NRG1: variants seen among roughly 807,000 people sequenced by gnomAD.
NRG1 encodes the protein pro-neuregulin-1, membrane-bound isoform.
A neutral mutation model predicts 63.8 loss-of-function variants in NRG1; 18 were observed. That is an observed-to-expected ratio of 0.28 (90% CI 0.19 to 0.42). NRG1 has a LOEUF of 0.42. NRG1 is among the 10% of genes least tolerant of loss of function. The pLI is 1.00. For synonymous variants in NRG1, 302 were observed against 301.3 expected (o/e 1.00, Z -0.02); for missense variants, 762 against 814.7 (o/e 0.94, Z 0.79).
At chr8:31,958,092 T>TAGAC (rs1250423473) in intron 1 of NRG1, among the ~76,000 whole-genome samples, 14 of 146,360 alleles carry the variant, frequency 9.6e-5, no homozygotes, top group Non-Finnish European at 1.0e-4. Context: ...GACAGACAGA[T>TAGAC]AGATAGGCAG....
chr8:32,093,422 G>A (rs1287816213), intron 1 of NRG1, among the ~76,000 whole-genome samples: 2 of 152,228 alleles, frequency 1.3e-5, no homozygotes, highest in African/African-American at 4.8e-5. Context: ...AAAAACTAGT[G>A]CTAAAATTAG....
At chr8:31,682,404 C>A (rs1281949059) in intron 1 of NRG1, among the ~76,000 whole-genome samples, 1 of 151,984 alleles carries the variant, frequency 6.6e-6, no homozygotes, top group Non-Finnish European at 1.5e-5. Context: ...AGACAACCAA[C>A]AAATAAAGGA....
intron 1 of NRG1, among the ~76,000 whole-genome samples, chr8:32,082,739 C>T (rs2131172780): frequency 6.6e-6 from 1 of 152,200 alleles, no homozygotes. Context: ...GATTTAAGAA[C>T]AGATAGTAGA....
At chr8:31,788,606 T>C (rs1481219900) in intron 1 of NRG1, among the ~76,000 whole-genome samples, 3 of 152,160 alleles carry the variant, frequency 2.0e-5, no homozygotes, top group Non-Finnish European at 2.9e-5. Flanking sequence ...TTCATCTTGG[T>C]GTAAGGACAC....
At chr8:32,744,112 T>C (rs75421319) in intron 7 of NRG1, among the ~76,000 whole-genome samples, 4,891 of 152,178 alleles carry the variant, frequency 0.032, 308 homozygotes, top group East Asian at 0.28. Flanking sequence ...GTGATGTAAG[T>C]TGGTTATTTA....
At position 32,435,228 on chromosome 8, in the gene NRG1, T is replaced by C. The variant is rs180935234; in HGVS notation, c.38-160600T>C. 3.9e-3 allele frequency among the ~76,000 whole-genome samples: 594 copies of C among 152,284 alleles called. 2 individuals carry two copies. The highest frequency in any genetic ancestry group is 6.9e-3 in the Non-Finnish European group (467 of 68,010). On this transcript the variant is annotated intron_variant, in intron 1 of 10. Coordinates refer to the NRG1 transcript ENST00000519301. ...GCTCTGGATCTGGAAGCTATCATCA[T>C]GGCAACCCCAGAGTCCCATTGGTTT...
chr8:32,734,388 T>A (rs971303538), intron 6 of NRG1, among the ~76,000 whole-genome samples: 5 of 152,196 alleles, frequency 3.3e-5, no homozygotes, highest in Non-Finnish European at 7.3e-5. Flanking sequence ...TAAACAGGAC[T>A]GGGTTAGAAC....
At chr8:31,928,751 T>G (rs997295731) in intron 1 of NRG1, among the ~76,000 whole-genome samples, 1 of 152,168 alleles carries the variant, frequency 6.6e-6, no homozygotes, top group African/African-American at 2.4e-5. Context: ...AGGCCATTAT[T>G]CTAAATAAAG....
chr8:31,828,515 T>C (rs1409780641), intron 1 of NRG1, among the ~76,000 whole-genome samples: 1 of 152,142 alleles, frequency 6.6e-6, no homozygotes, highest in African/African-American at 2.4e-5. Context: ...CCCCCGAGGC[T>C]CAGGTCTCTG....
At chr8:31,800,837 C>CTTTTTTTTTTTTTTTTTTTTTT (rs5890598) in intron 1 of NRG1, among the ~76,000 whole-genome samples, 2 of 105,048 alleles carry the variant, frequency 1.9e-5, no homozygotes, top group African/African-American at 3.7e-5. Context: ...AGTCTCCTTT[C>CTTTTTTTTTTTTTTTTTTTTTT]TTTTTTTTTT....
At chr8:32,326,241 C>A (rs1386839681) in intron 1 of NRG1, among the ~76,000 whole-genome samples, 2 of 150,582 alleles carry the variant, frequency 1.3e-5, no homozygotes, top group Non-Finnish European at 2.9e-5. Context: ...AACTCCTGGC[C>A]TTGTGATCTG....
chr8:32,401,189 G>C (rs1309615029), intron 1 of NRG1, among the ~76,000 whole-genome samples: 1 of 151,816 alleles, frequency 6.6e-6, no homozygotes, highest in African/African-American at 2.4e-5. Flanking sequence ...ATACCTATAG[G>C]GTACTATGCT....
At chr8:32,553,463 A>C (rs1242418410) in intron 1 of NRG1, among the ~76,000 whole-genome samples, 2 of 152,310 alleles carry the variant, frequency 1.3e-5, no homozygotes, top group East Asian at 3.9e-4. Flanking sequence ...AGAAAAGTGG[A>C]TAAGAGTGTC....
chr8:31,659,420 TG>T (rs1805747734), intron 1 of NRG1, among the ~76,000 whole-genome samples: 1 of 152,082 alleles, frequency 6.6e-6, no homozygotes, highest in Non-Finnish European at 1.5e-5. Flanking sequence ...CTGGGAACCA[TG>T]CAACCATGCG....
At chr8:31,661,767 G>T (rs1419192679) in intron 1 of NRG1, among the ~76,000 whole-genome samples, 1 of 152,208 alleles carries the variant, frequency 6.6e-6, no homozygotes, top group African/African-American at 2.4e-5. Context: ...AAAAGTCACA[G>T]AAAAAGTCTT....
At chr8:32,156,443 C>T (rs761333040) in intron 1 of NRG1, among the ~76,000 whole-genome samples, 1 of 152,208 alleles carries the variant, frequency 6.6e-6, no homozygotes, top group African/African-American at 2.4e-5. Flanking sequence ...TCTCCTTCAC[C>T]AGAGTGTAAA....
intron 1 of NRG1, among the ~76,000 whole-genome samples, chr8:31,977,497 A>G (rs897699082): frequency 5.9e-5 from 9 of 151,924 alleles, no homozygotes; most frequent in Non-Finnish European, 1.2e-4. Flanking sequence ...CATTGGAATT[A>G]TTTTTCATCT....
At chr8:31,720,745 A>G (rs1270144133) in intron 1 of NRG1, among the ~76,000 whole-genome samples, 1 of 152,220 alleles carries the variant, frequency 6.6e-6, no homozygotes, top group Non-Finnish European at 1.5e-5. Flanking sequence ...GAAAGGAACA[A>G]TGCAGAGTTT....
intron 1 of NRG1, among the ~76,000 whole-genome samples, chr8:31,734,669 A>C (rs1353587728): frequency 6.6e-6 from 1 of 152,186 alleles, no homozygotes; most frequent in Non-Finnish European, 1.5e-5. Flanking sequence ...ATTAAACATT[A>C]TATTTTCCCC....
Sources: allele counts gnomAD v4.1 joint callset (sites outside exome capture counted in the v4.1 genomes callset), GRCh38; gene constraint gnomAD v4.1.1; transcripts MANE v1.5; gene names NCBI Gene and HGNC (gene_info 2026-07-23, HGNC 2026-07-21).